NRG1: variants seen among roughly 807,000 people sequenced by gnomAD.
NRG1 encodes pro-neuregulin-1, membrane-bound isoform.
A neutral mutation model predicts 63.8 loss-of-function variants in NRG1; 18 were observed. The observed-to-expected ratio is 0.28, with a 90% CI of 0.19 to 0.42. The LOEUF (loss-of-function observed/expected upper bound fraction) is 0.42. Among genes scored for constraint, NRG1 ranks in the 10% least tolerant of loss-of-function variants. The probability of loss-of-function intolerance (pLI) is 1.00; values close to 1 mark genes in which losing one functional copy is unlikely to be tolerated. For missense variants in NRG1, 762 were observed against 814.7 expected, an observed-to-expected ratio of 0.94 and a Z score of 0.79; for synonymous variants, 302 against 301.3, an observed-to-expected ratio of 1.00 and a Z score of -0.02.
chr8:32,404,870 C>A (rs1269579958), intron 1 of NRG1, among the ~76,000 whole-genome samples: 3 of 152,166 alleles, frequency 2.0e-5, no homozygotes, highest in Non-Finnish European at 2.9e-5. Context: ...CAGATGTGAG[C>A]CACTGTGCCC....
In NRG1 at chr8:31,858,170, G is replaced by T. The variant is rs369125728; in HGVS notation, c.37+218739G>T. On this transcript the variant is annotated intron_variant, in intron 1 of 10. Transcript: ENST00000519301. ...AAAAATTAGTCGGGCATGGTGGCAG[G>T]CGCCTGTAGTCCCAGCTACTCGGGA... 4.6e-5 allele frequency among the ~76,000 whole-genome samples: 7 copies of T among 152,012 alleles called. No individual in the cohort carries two copies. In the East Asian group the frequency reaches 7.8e-4, roughly 17 times the overall value.
At chr8:32,010,612 A>C (rs1407953023) in intron 1 of NRG1, among the ~76,000 whole-genome samples, 1 of 152,084 alleles carries the variant, frequency 6.6e-6, no homozygotes, top group Admixed American at 6.6e-5. Flanking sequence ...TTTATTGCTT[A>C]AAGTGTCAAT....
chr8:32,446,351 T>A (rs568929559), intron 1 of NRG1, among the ~76,000 whole-genome samples: 44 of 152,052 alleles, frequency 2.9e-4, no homozygotes, highest in African/African-American at 8.2e-4. Context: ...GGTATAAGAG[T>A]TTATAGAAAG....
chr8:32,752,217 C>T (rs1157619854), intron 7 of NRG1, among the ~76,000 whole-genome samples: 1 of 152,170 alleles, frequency 6.6e-6, no homozygotes, highest in African/African-American at 2.4e-5. Context: ...GGGGTGACAG[C>T]TTTGCTTCTT....
At chr8:32,213,104 G>T (rs1844855702) in intron 1 of NRG1, among the ~76,000 whole-genome samples, 1 of 152,060 alleles carries the variant, frequency 6.6e-6, no homozygotes, top group Non-Finnish European at 1.5e-5. Flanking sequence ...AGACAATTTT[G>T]AACTCACTGG....
At position 32,616,855 on chromosome 8, in the gene NRG1, G is replaced by C. The variant is rs373403570; in HGVS notation, c.472G>C (p.Val158Leu). 3.4e-5 allele frequency: 55 copies of C among 1,602,378 alleles called. No individual in the cohort carries two copies. In the African/African-American group the frequency reaches 7.1e-4, roughly 21 times the overall value. ...TATAGAGTCTCCCATTAGAATATCA[G>C]TATCCACAGAAGGAGCAAATACTTC... is the stretch of plus-strand genomic sequence containing the variant. Residue 158 changes from valine to leucine, a missense_variant, in exon 5 of 12, where the codon GTA (valine) becomes CTA (leucine). Val to Leu is a conservative substitution (Grantham distance 32, BLOSUM62 1). Coordinates refer to ENST00000356819, the Ensembl canonical transcript of NRG1.
At chr8:32,270,628 A>T (rs1164062325) in intron 1 of NRG1, among the ~76,000 whole-genome samples, 1 of 152,174 alleles carries the variant, frequency 6.6e-6, no homozygotes, top group Non-Finnish European at 1.5e-5. Flanking sequence ...ACCTTTAAAT[A>T]CCCCTTACTG....
At chr8:31,647,234 A>T (rs911866414) in intron 1 of NRG1, among the ~76,000 whole-genome samples, 1 of 152,236 alleles carries the variant, frequency 6.6e-6, no homozygotes, top group Non-Finnish European at 1.5e-5. Flanking sequence ...CTGAAGATGG[A>T]AAAACACAGC....
At chr8:32,163,629 T>TA (rs1839088281) in intron 1 of NRG1, among the ~76,000 whole-genome samples, 1 of 152,200 alleles carries the variant, frequency 6.6e-6, no homozygotes, top group Non-Finnish European at 1.5e-5. Context: ...AATGTTATCT[T>TA]ATGTTTTTTA....
At chr8:32,244,149 T>C (rs1848394922) in intron 1 of NRG1, among the ~76,000 whole-genome samples, 2 of 152,192 alleles carry the variant, frequency 1.3e-5, no homozygotes, top group Admixed American at 6.5e-5. Flanking sequence ...GTTGTTTTTT[T>C]CTTCATGTAT....
At chr8:32,626,955 G>A (rs550196862) in intron 5 of NRG1, among the ~76,000 whole-genome samples, 1 of 152,074 alleles carries the variant, frequency 6.6e-6, no homozygotes, top group South Asian at 2.1e-4. Context: ...TGGGAGCGGA[G>A]GTTGCAGTGA....
chr8:31,915,394 C>T lies in NRG1; in HGVS notation c.37+275963C>T, dbSNP rs75458332. ...GTCAGCTCTGGTACATGCCTCTTTA[C>T]TTTAATTCCTTGGGGAATCTGTTGT... On this transcript the variant is annotated intron_variant, in intron 1 of 10. Coordinates refer to the NRG1 transcript ENST00000519301. Among the ~76,000 whole-genome samples, 91 of 152,176 alleles carry T rather than the reference C, an allele frequency of 6.0e-4. 1 individual carries two copies. In the East Asian group the frequency reaches 0.014, roughly 23 times the overall value.
At chr8:32,034,122 C>A (rs1818682317) in intron 1 of NRG1, among the ~76,000 whole-genome samples, 1 of 151,942 alleles carries the variant, frequency 6.6e-6, no homozygotes, top group Admixed American at 6.6e-5. Flanking sequence ...GAGGTATGTT[C>A]CTTCAAAACC....
intron 1 of NRG1, among the ~76,000 whole-genome samples, chr8:32,214,182 C>T (rs1225790138): frequency 6.6e-6 from 1 of 152,100 alleles, no homozygotes; most frequent in African/African-American, 2.4e-5. Context: ...AGGGGCAGGG[C>T]AGAGAGCTTT....
At chr8:32,690,816 G>T (rs1352101351) in intron 5 of NRG1, among the ~76,000 whole-genome samples, 1 of 151,942 alleles carries the variant, frequency 6.6e-6, no homozygotes, top group Non-Finnish European at 1.5e-5. Context: ...ACAAAGGAAA[G>T]AATTAGAAAT....
intron 1 of NRG1, among the ~76,000 whole-genome samples, chr8:32,594,012 G>A (rs113220116): frequency 0.011 from 1,671 of 152,180 alleles, 11 homozygotes; most frequent in Middle Eastern, 0.048. Context: ...AAATAATAAG[G>A]GGAATATGTA....
intron 1 of NRG1, among the ~76,000 whole-genome samples, chr8:32,202,948 G>C (rs535739158): frequency 1.7e-3 from 258 of 151,928 alleles, no homozygotes; most frequent in Admixed American, 3.3e-3. Flanking sequence ...GTCTACGCTT[G>C]AGGGTGGAAC....
intron 1 of NRG1, among the ~76,000 whole-genome samples, chr8:32,552,086 T>C (rs1834246553): frequency 6.6e-6 from 1 of 151,958 alleles, no homozygotes; most frequent in African/African-American, 2.4e-5. Flanking sequence ...AATTTTTGTA[T>C]TTTTAGTAGA....
intron 1 of NRG1, among the ~76,000 whole-genome samples, chr8:32,300,703 G>GCT (rs1386762541): frequency 6.6e-6 from 1 of 152,190 alleles, no homozygotes. Flanking sequence ...ATTAGCTAGA[G>GCT]CTATACACAC....
Sources: allele counts gnomAD v4.1 joint callset (sites outside exome capture counted in the v4.1 genomes callset), GRCh38; gene constraint gnomAD v4.1.1; transcripts MANE v1.5; gene names NCBI Gene and HGNC (gene_info 2026-07-23, HGNC 2026-07-21).